Variants in SLC13A3 observed in about 807,000 individuals in gnomAD.
SLC13A3 encodes the protein Na(+)/dicarboxylate cotransporter 3.
Under a neutral mutation model 59.0 loss-of-function variants are expected in SLC13A3, and 40 were observed. That is an observed-to-expected ratio of 0.68 (90% CI 0.53 to 0.88). The LOEUF is 0.88. SLC13A3 is among the 40% of genes least tolerant of loss of function. The pLI is 0.00. For synonymous variants in SLC13A3, 317 were observed against 330.3 expected (o/e 0.96, Z 0.44); for missense variants, 699 against 783.2 (o/e 0.89, Z 1.28).
chr20:46,561,675 T>C (rs1221200097), intron 12 of SLC13A3, among the ~76,000 whole-genome samples: 1 of 150,970 alleles, frequency 6.6e-6, no homozygotes, highest in South Asian at 2.1e-4. Context: ...TTTTTTTTAA[T>C]GTCAAGCTGA....
chr20:46,675,412 T>C (rs1193314209), intron 1 of SLC13A3, among the ~76,000 whole-genome samples: 4 of 146,496 alleles, frequency 2.7e-5, no homozygotes, highest in Middle Eastern at 3.4e-3. Context: ...TTTCTTTTTT[T>C]TTTTTTTTTT....
At chr20:46,585,256 A>T in intron 8 of SLC13A3, 1 of 972,830 alleles carries the variant, frequency 1.0e-6, no homozygotes, top group Non-Finnish European at 1.2e-6. Context: ...ATGTATGAAG[A>T]TATGTGTGCG....
At chr20:46,600,340 GAAAGGAAAAGAAAGGAAAGGAAAGAA>G (rs1568930011) in intron 3 of SLC13A3, among the ~76,000 whole-genome samples, 5 of 142,474 alleles carry the variant, frequency 3.5e-5, no homozygotes, top group African/African-American at 1.3e-4. Context: ...AGGAAGGAAG[GAAAGGAAAAGAAAGGAAAGGAAAGAA>G]AAGGAAGGGA....
In SLC13A3 at chr20:46,600,401, A is replaced by AG. The variant is rs1480440402; in HGVS notation, c.542-365dup. Among the ~76,000 whole-genome samples, 147 of 148,894 alleles carry AG rather than the reference A, an allele frequency of 9.9e-4. 1 individual carries two copies. The highest frequency in any genetic ancestry group is 5.6e-4 in the Non-Finnish European group (37 of 66,632). On this transcript the variant is annotated intron_variant, in intron 3 of 12. Transcript: ENST00000279027. Reference sequence around the variant, plus strand: ...AAAGGAAAGGGAGGGAAAGAAAGAAAGAAAGGAGGAAGGAAGGAAGGAAAG... The same window carrying AG: ...AAAGGAAAGGGAGGGAAAGAAAGAAAGGAAAGGAGGAAGGAAGGAAGGAAAG...
At chr20:46,626,232 C>T (rs2062670230) in intron 1 of SLC13A3, among the ~76,000 whole-genome samples, 1 of 149,736 alleles carries the variant, frequency 6.7e-6, no homozygotes, top group African/African-American at 2.5e-5. Flanking sequence ...CCCTCCCCCT[C>T]CTTTTCTCTT....
chr20:46,615,303 T>G (rs1479699713), intron 1 of SLC13A3, among the ~76,000 whole-genome samples: 1 of 152,164 alleles, frequency 6.6e-6, no homozygotes, highest in African/African-American at 2.4e-5. Flanking sequence ...CTTTATTCCA[T>G]GTCCATAGGA....
intron 9 of SLC13A3, among the ~76,000 whole-genome samples, chr20:46,577,398 C>G (rs1407781226): frequency 6.6e-6 from 1 of 152,200 alleles, no homozygotes; most frequent in Non-Finnish European, 1.5e-5. Flanking sequence ...AAGCCCAGAA[C>G]TGGATGAGGT....
intron 1 of SLC13A3, among the ~76,000 whole-genome samples, chr20:46,625,144 G>A (rs536576751): frequency 5.3e-5 from 8 of 152,306 alleles, no homozygotes; most frequent in African/African-American, 1.9e-4. Context: ...AAATAAGGAA[G>A]AAGAGATGAA....
chr20:46,575,749 C>T (rs2062070278), intron 9 of SLC13A3, 64 bp from the exon 10 acceptor site: 3 of 965,192 alleles, frequency 3.1e-6, no homozygotes, highest in African/African-American at 3.3e-5. Flanking sequence ...AGGCCACCAG[C>T]CCTGAGCCCC....
Position 46,578,952 on chromosome 20 carries a change from A to G in SLC13A3, c.1220-3267T>C, listed in dbSNP as rs541652498. 5.1e-4 allele frequency among the ~76,000 whole-genome samples: 77 copies of G among 152,232 alleles called. 1 individual carries two copies. In the South Asian group the frequency reaches 0.015, roughly 29 times the overall value. ...TCATCATCAACTACTTTTCCACCAC[A>G]AGCACATAGTAGGTACTCAATCAAT... On this transcript the variant is annotated intron_variant, in intron 9 of 12. Coordinates refer to ENST00000279027, the MANE Select transcript of SLC13A3 (RefSeq NM_022829.6).
At chr20:46,576,208 G>A (rs1233614287) in intron 9 of SLC13A3, among the ~76,000 whole-genome samples, 1 of 152,138 alleles carries the variant, frequency 6.6e-6, no homozygotes, top group African/African-American at 2.4e-5. Context: ...AATCATTGAG[G>A]CTTTGCAGGC....
At chr20:46,572,402 C>G (rs2146092148) in intron 10 of SLC13A3, among the ~76,000 whole-genome samples, 1 of 152,304 alleles carries the variant, frequency 6.6e-6, no homozygotes, top group East Asian at 1.9e-4. Flanking sequence ...CGGCCAGCTG[C>G]CCAGGGCTGG....
chr20:46,648,332 A>C (rs978617027), intron 1 of SLC13A3, among the ~76,000 whole-genome samples: 1 of 152,186 alleles, frequency 6.6e-6, no homozygotes, highest in Non-Finnish European at 1.5e-5. Context: ...ATTGTATATG[A>C]AATTGAGAAA....
At chr20:46,604,752 G>C (rs900192744) in intron 3 of SLC13A3, among the ~76,000 whole-genome samples, 1 of 152,192 alleles carries the variant, frequency 6.6e-6, no homozygotes, top group East Asian at 1.9e-4. Flanking sequence ...CCCTGAGCAC[G>C]AGTGCTGGGA....
intron 1 of SLC13A3, among the ~76,000 whole-genome samples, chr20:46,680,371 C>T (rs578162331): frequency 6.6e-6 from 1 of 152,340 alleles, no homozygotes; most frequent in Admixed American, 6.5e-5. Context: ...TCATTGTCAC[C>T]ATGTGCCATG....
At chr20:46,577,594 C>T (rs111584326) in intron 9 of SLC13A3, among the ~76,000 whole-genome samples, 8 of 152,304 alleles carry the variant, frequency 5.3e-5, no homozygotes, top group Middle Eastern at 3.4e-3. Context: ...ATGGCGAGTG[C>T]GTATCAGACT....
intron 8 of SLC13A3, chr20:46,585,350 T>C: frequency 1.0e-6 from 1 of 1,000,864 alleles, no homozygotes; most frequent in Non-Finnish European, 1.2e-6. Context: ...CCACTAACTT[T>C]TCCTTTTTCA....
chr20:46,588,217 A>G, intron 7 of SLC13A3, 54 bp from the exon 8 acceptor site: 1 of 1,109,086 alleles, frequency 9.0e-7, no homozygotes, highest in East Asian at 2.4e-5. Flanking sequence ...GGCAGACCGC[A>G]GCAGGCACAG....
intron 9 of SLC13A3, among the ~76,000 whole-genome samples, chr20:46,580,130 AT>A (rs2062121066): frequency 6.6e-6 from 1 of 152,000 alleles, no homozygotes; most frequent in Non-Finnish European, 1.5e-5. Flanking sequence ...TAATTTTTGT[AT>A]TTTTAGTAGA....
Sources: gnomAD v4.1 joint callset for allele counts (sites outside exome capture counted in the v4.1 genomes callset) on GRCh38, gnomAD v4.1.1 for gene constraint, MANE v1.5 for transcripts, NCBI Gene and HGNC (gene_info 2026-07-23, HGNC 2026-07-21) for gene names.